The following TMEM123 variants were observed in gnomAD, a reference collection of about 807,000 sequenced individuals.
The protein encoded by TMEM123 is transmembrane protein 123.
In TMEM123, 16 loss-of-function variants were observed where a neutral mutation model predicts 19.7. That is an observed-to-expected ratio of 0.81 (90% confidence interval 0.55 to 1.23). The LOEUF (loss-of-function observed/expected upper bound fraction) is 1.23. TMEM123 is among the 50% of genes most tolerant of loss of function. TMEM123 has a pLI of 0.00. For missense variants in TMEM123, 313 were observed against 257.8 expected (o/e 1.21, Z -1.47); for synonymous variants, 118 against 99.4 (o/e 1.19, Z -1.12).
intron 2 of TMEM123, among the ~76,000 whole-genome samples, chr11:102,430,024 T>C (rs548118228): frequency 4.6e-4 from 70 of 152,310 alleles, no homozygotes; most frequent in South Asian, 3.3e-3. Flanking sequence ...ATCTTCCAAA[T>C]TGCTCTGTCC....
At chr11:102,424,223 A>ATT (rs1952107885) in intron 2 of TMEM123, among the ~76,000 whole-genome samples, 1 of 152,210 alleles carries the variant, frequency 6.6e-6, no homozygotes, top group South Asian at 2.1e-4. Context: ...ACCCCTACGT[A>ATT]TTTATAAAGA....
chr11:102,435,653 A>G (rs1407355815), intron 2 of TMEM123, among the ~76,000 whole-genome samples: 1 of 152,002 alleles, frequency 6.6e-6, no homozygotes, highest in East Asian at 1.9e-4. Context: ...ACTATTCATA[A>G]TATCAAAAGG....
chr11:102,436,718 A>AGCC (rs1857766382), intron 2 of TMEM123, among the ~76,000 whole-genome samples: 1 of 147,462 alleles, frequency 6.8e-6, no homozygotes, highest in African/African-American at 2.4e-5. Context: ...ACTCAACATG[A>AGCC]TGGGGTAAGT....
In TMEM123 at chr11:102,419,520, C is replaced by T. The variant is rs906773681; in HGVS notation, c.158-17314G>A. On this transcript the variant is annotated intron_variant, in intron 2 of 4. Transcript: ENST00000398136. ...CTTCATCAGCTCTCAGCTACCTAAA[C>T]TCCCCAGGGCAACTGCGTGTCCAGT... Among the ~76,000 whole-genome samples, 4 of 152,334 alleles carry T rather than the reference C, an allele frequency of 2.6e-5. No homozygotes were observed. In the East Asian group the frequency reaches 7.7e-4, roughly 29 times the overall value.
At chr11:102,448,343 A>G in intron 2 of TMEM123, 1 of 454,158 alleles carries the variant, frequency 2.2e-6, no homozygotes. Flanking sequence ...ATCACAGGGT[A>G]AGGGCCTCAC....
At position 102,416,275 on chromosome 11, in the gene TMEM123, G is replaced by GA. The variant is rs1268819272; in HGVS notation, c.158-14070dup. Among the ~76,000 whole-genome samples, 79 of 151,766 alleles carry GA rather than the reference G, an allele frequency of 5.2e-4. 1 individual carries two copies. The highest frequency in any genetic ancestry group is 1.9e-3 in the African/African-American group (78 of 41,440). On this transcript the variant is annotated intron_variant, in intron 2 of 4. Coordinates refer to ENST00000398136, the MANE Select transcript of TMEM123 (RefSeq NM_052932.3). ...GACAGACTCCAGCTAGACTAATAAA[G>GA]AAAAAAGAGAGAAGAGCCAAATAAA...
chr11:102,404,895 G>A (rs1027775632), intron 2 of TMEM123, among the ~76,000 whole-genome samples: 3 of 151,854 alleles, frequency 2.0e-5, no homozygotes, highest in East Asian at 1.9e-4. Context: ...CACCATGCTC[G>A]GCCCCAGCTA....
intron 4 of TMEM123, 67 bp downstream of exon 4, chr11:102,401,472 A>C: frequency 1.4e-6 from 2 of 1,391,282 alleles, no homozygotes; most frequent in Non-Finnish European, 9.6e-7. Context: ...CTGGCTTGAT[A>C]TTCTATCATA....
rs1003174529 is a variant in TMEM123 at position 102,397,066 on chromosome 11, A to G, written c.*1801T>C. 2.0e-5 allele frequency: 3 copies of G among 152,162 alleles called. No homozygotes were observed. The highest frequency in any genetic ancestry group is 4.4e-5 in the Non-Finnish European group (3 of 68,034). 9.4% of individuals were successfully genotyped at this position (152,162 alleles called of 1,614,324 possible). On this transcript the variant is annotated 3_prime_UTR_variant, in exon 5 of 5. Coordinates refer to ENST00000398136, the MANE Select transcript of TMEM123 (RefSeq NM_052932.3). ...GTCAGGGCCAAGTTAGTAACATACA[A>G]CTCAGCCATCAGCCCACCTCTCCTT...
chr11:102,432,144 G>A (rs552458196), intron 2 of TMEM123, among the ~76,000 whole-genome samples: 1 of 152,218 alleles, frequency 6.6e-6, no homozygotes, highest in Admixed American at 6.5e-5. Context: ...AAGCGACTTT[G>A]GCACTGGTTA....
chr11:102,444,011 A>T (rs116917439), intron 2 of TMEM123, among the ~76,000 whole-genome samples: 2 of 152,230 alleles, frequency 1.3e-5, no homozygotes, highest in Non-Finnish European at 2.9e-5. Context: ...ATCTCACAGC[A>T]GTTACAATGG....
intron 2 of TMEM123, among the ~76,000 whole-genome samples, chr11:102,413,722 A>G (rs1482300947): frequency 6.6e-6 from 1 of 152,156 alleles, no homozygotes; most frequent in East Asian, 1.9e-4. Flanking sequence ...TATAAAAGCA[A>G]AAGCCTCAAA....
intron 4 of TMEM123, 105 bp downstream of exon 4, chr11:102,401,430 AATCT>A (rs1951911299): frequency 2.8e-6 from 3 of 1,056,552 alleles, no homozygotes; most frequent in African/African-American, 1.6e-5. Flanking sequence ...ATAACTCATA[AATCT>A]ATCAATTATT....
chr11:102,407,460 T>C (rs772050893), intron 2 of TMEM123, among the ~76,000 whole-genome samples: 4 of 152,184 alleles, frequency 2.6e-5, no homozygotes, highest in African/African-American at 4.8e-5. Context: ...AAGGGTTGAA[T>C]TGTTCCCCTC....
intron 2 of TMEM123, among the ~76,000 whole-genome samples, chr11:102,438,103 G>C (rs575552497): frequency 6.6e-6 from 1 of 152,216 alleles, no homozygotes; most frequent in South Asian, 2.1e-4. Flanking sequence ...ACCCAGGCTG[G>C]AGTGCAGTGG....
Position 102,402,093 on chromosome 11 carries a change from G to T in TMEM123, c.271C>A (p.Pro91Thr). Residue 91 changes from proline to threonine, a missense_variant, in exon 3 of 5, where the codon CCT becomes ACT. Pro to Thr is a conservative substitution (Grantham distance 38). Transcript: ENST00000398136. ...GTTGTTGTATTAGATGCCGCTGTAG[G>T]TTTCATGGTGGTGACCGTTGTATTA... ...SSNTTVTTMK[P>T]TAASNTTTPG... The T allele has an allele frequency of 6.2e-7, 1 of 1,614,140 alleles. No homozygotes were observed. Among genetic ancestry groups the T allele is most frequent in the Middle Eastern group, 1.6e-4 (1 of 6,062 alleles).
intron 1 of TMEM123, 191 bp from the exon 2 acceptor site, chr11:102,449,059 C>T (rs1007439524): frequency 7.4e-6 from 4 of 542,620 alleles, no homozygotes; most frequent in Non-Finnish European, 1.3e-5. Context: ...ACTGTATTAC[C>T]AGGTTTTTCA....
chr11:102,433,859 T>A (rs1857736587), intron 2 of TMEM123, among the ~76,000 whole-genome samples: 1 of 151,784 alleles, frequency 6.6e-6, no homozygotes, highest in Non-Finnish European at 1.5e-5. Flanking sequence ...CTGGCACTCA[T>A]TCTCTCTCCT....
At chr11:102,416,861 G>A (rs1040479426) in intron 2 of TMEM123, among the ~76,000 whole-genome samples, 5 of 152,058 alleles carry the variant, frequency 3.3e-5, no homozygotes, top group African/African-American at 4.8e-5. Context: ...ATCAATAAAC[G>A]TGATTTATCA....
Sources: gnomAD v4.1 joint callset for allele counts (sites outside exome capture counted in the v4.1 genomes callset) on GRCh38, gnomAD v4.1.1 for gene constraint, MANE v1.5 for transcripts, NCBI Gene and HGNC (gene_info 2026-07-23, HGNC 2026-07-21) for gene names.